The following COL11A1 variants were observed in gnomAD, a reference collection of about 807,000 sequenced individuals.
The protein encoded by COL11A1 is collagen alpha-1(XI) chain.
Under a neutral mutation model 265.2 loss-of-function variants are expected in COL11A1, and 74 were observed. The observed-to-expected ratio is 0.28, with a 90% confidence interval of 0.23 to 0.34. The LOEUF (loss-of-function observed/expected upper bound fraction) is 0.34, where lower values mean the gene tolerates loss of function less well. Ranked by LOEUF, COL11A1 falls within the 10% of genes least tolerant of loss-of-function variation. COL11A1 has a pLI of 1.00. For missense variants in COL11A1, 2,165 were observed against 2,263.6 expected (o/e 0.96, Z 0.88); for synonymous variants, 816 against 727.6 (o/e 1.12, Z -1.96).
At position 102,889,539 on chromosome 1, in the gene COL11A1, C is replaced by T. The variant is rs180734278; in HGVS notation, c.4380G>A (p.Leu1460=). Residue 1460 remains leucine (L), a synonymous_variant, in exon 59 of 67, where the codon CTG becomes CTA. Coordinates refer to ENST00000370096, the MANE Select transcript of COL11A1 (RefSeq NM_001854.4). ...GEKGHPGLIG[L]IGPPGEQGEK... Reference sequence around the variant, plus strand: ...CCCCTTGTTCTCCTGGAGGACCAATCAGGCCAATTAAACCAGGATGTCCCT... The same window carrying T: ...CCCCTTGTTCTCCTGGAGGACCAATTAGGCCAATTAAACCAGGATGTCCCT... 2.0e-5 allele frequency: 32 copies of T among 1,613,568 alleles called. No individual in the cohort carries two copies. In the African/African-American group the frequency reaches 3.7e-4, roughly 19 times the overall value.
rs748047482 is a variant in COL11A1 at position 102,915,621 on chromosome 1, C to A, written c.3816+10G>T. The stretch of plus-strand genomic sequence containing the variant: ...ATAATACACTATGTTAACAATAACA[C>A]AGTACTTACGCCTACACCTGCTTCC... On this transcript the variant is annotated intron_variant, in intron 50 of 66. Coordinates refer to ENST00000370096, the MANE Select transcript of COL11A1 (RefSeq NM_001854.4). 1 of 1,605,584 alleles carries A rather than the reference C, an allele frequency of 6.2e-7. No individual in the cohort carries two copies. Among genetic ancestry groups the A allele is most frequent in the African/African-American group, 1.3e-5 (1 of 74,868 alleles).
chr1:102,880,123 T>C (rs1273864131), intron 65 of COL11A1: 5 of 553,862 alleles, frequency 9.0e-6, no homozygotes, highest in Middle Eastern at 4.9e-4. Context: ...CCTAAGTTAC[T>C]GTAGCCACTG....
intron 4 of COL11A1, among the ~76,000 whole-genome samples, chr1:103,063,585 A>C (rs1217580996): frequency 3.9e-5 from 6 of 152,150 alleles, no homozygotes; most frequent in Non-Finnish European, 4.4e-5. Flanking sequence ...CATAAATGTA[A>C]AACACAAAAC....
At chr1:103,071,503 G>T (rs2102264696) in intron 4 of COL11A1, among the ~76,000 whole-genome samples, 1 of 113,746 alleles carries the variant, frequency 8.8e-6, no homozygotes, top group East Asian at 2.6e-4. Context: ...TTGCCTGCAT[G>T]GAAATATTCA....
chr1:103,061,298 A>G (rs1670656036), intron 4 of COL11A1, among the ~76,000 whole-genome samples: 1 of 152,204 alleles, frequency 6.6e-6, no homozygotes, highest in Non-Finnish European at 1.5e-5. Context: ...ATCCACTATT[A>G]CATTTAAATG....
chr1:102,940,222 A>C, intron 43 of COL11A1, 105 bp downstream of exon 43: 7 of 885,510 alleles, frequency 7.9e-6, no homozygotes, highest in South Asian at 1.4e-5. Flanking sequence ...TGAAAAAGGT[A>C]ACCTTTCACC....
At chr1:102,962,286 C>T (rs371101754) in intron 39 of COL11A1, 21 bp from the exon 40 acceptor site, 53 of 1,557,562 alleles carry the variant, frequency 3.4e-5, no homozygotes, top group African/African-American at 5.4e-5. Flanking sequence ...TAATAAACAT[C>T]GTCAAGACAG....
chr1:103,087,859 A>C (rs756331362), intron 1 of COL11A1, among the ~76,000 whole-genome samples: 6 of 152,228 alleles, frequency 3.9e-5, no homozygotes, highest in Non-Finnish European at 8.8e-5. Context: ...ACAGGTATAC[A>C]CACACAAACA....
In COL11A1 at chr1:103,008,369, CA is replaced by C. The variant is rs79750249; in HGVS notation, c.1683+93del. 3,617 of 937,958 alleles carry C rather than the reference CA, an allele frequency of 3.9e-3. 1 individual carries two copies. The highest frequency in any genetic ancestry group is 5.7e-3 in the African/African-American group (338 of 58,966). 58.1% of individuals were successfully genotyped at this position (937,958 alleles called of 1,614,324 possible). A position where few individuals can be genotyped will look rare whatever the true frequency, so the allele number is the denominator to read the frequency against. On this transcript the variant is annotated intron_variant, in intron 15 of 66. Transcript: ENST00000370096. ...ACATCAATGGAATACTACTCAGGAA[CA>C]AAAAAAAAATTAACTATTGATGCAT... is the stretch of plus-strand genomic sequence containing the variant.
intron 46 of COL11A1, among the ~76,000 whole-genome samples, chr1:102,929,578 C>G (rs1657121209): frequency 2.0e-5 from 3 of 151,900 alleles, no homozygotes; most frequent in Admixed American, 1.3e-4. Flanking sequence ...AATGCGGGCT[C>G]TTTTTTGGTT....
chr1:103,032,180 A>T (rs1668044929), intron 4 of COL11A1, among the ~76,000 whole-genome samples: 1 of 152,096 alleles, frequency 6.6e-6, no homozygotes, highest in South Asian at 2.1e-4. Context: ...AATTCCCTGT[A>T]AGTTTGAGCA....
chr1:103,051,096 C>T (rs939235365), intron 4 of COL11A1, among the ~76,000 whole-genome samples: 29 of 152,298 alleles, frequency 1.9e-4, no homozygotes, highest in African/African-American at 5.8e-4. Flanking sequence ...TCTCAAGCTG[C>T]GTGCTGGGTG....
At chr1:103,021,397 A>G (rs949956994) in intron 9 of COL11A1, among the ~76,000 whole-genome samples, 1 of 152,146 alleles carries the variant, frequency 6.6e-6, no homozygotes, top group South Asian at 2.1e-4. Context: ...TTGATCAAAC[A>G]TTTGATACCT....
intron 4 of COL11A1, among the ~76,000 whole-genome samples, chr1:103,065,565 C>CAA (rs1671064831): frequency 5.9e-5 from 2 of 34,072 alleles, no homozygotes; most frequent in African/African-American, 1.8e-4. Context: ...AACAAACAAA[C>CAA]AAACAAACAA....
chr1:102,927,836 G>C (rs958816181), intron 46 of COL11A1, among the ~76,000 whole-genome samples: 1 of 151,986 alleles, frequency 6.6e-6, no homozygotes, highest in Non-Finnish European at 1.5e-5. Context: ...TTAAATGATC[G>C]ACTTAATTTA....
intron 41 of COL11A1, among the ~76,000 whole-genome samples, chr1:102,959,422 G>A (rs1660675369): frequency 6.1e-5 from 1 of 16,296 alleles, no homozygotes; most frequent in African/African-American, 1.1e-4. Flanking sequence ...CAACGATTTT[G>A]TAATCTGCAC....
intron 42 of COL11A1, among the ~76,000 whole-genome samples, chr1:102,943,755 A>G (rs1658982003): frequency 6.6e-6 from 1 of 152,174 alleles, no homozygotes; most frequent in Non-Finnish European, 1.5e-5. Context: ...CTAAAATTTC[A>G]AACTGCTATT....
intron 2 of COL11A1, among the ~76,000 whole-genome samples, chr1:103,080,986 C>T (rs1350074005): frequency 1.3e-5 from 2 of 151,758 alleles, no homozygotes; most frequent in African/African-American, 4.8e-5. Flanking sequence ...ATGGAATCAA[C>T]CCACCATCTC....
chr1:103,059,878 G>T (rs901344399), intron 4 of COL11A1, among the ~76,000 whole-genome samples: 4 of 151,884 alleles, frequency 2.6e-5, no homozygotes, highest in Non-Finnish European at 4.4e-5. Flanking sequence ...TAAAAGCTTT[G>T]GGACAACAAC....
Sources: allele counts gnomAD v4.1 joint callset (sites outside exome capture counted in the v4.1 genomes callset), GRCh38; gene constraint gnomAD v4.1.1; transcripts MANE v1.5; gene names NCBI Gene and HGNC (gene_info 2026-07-23, HGNC 2026-07-21).